The following MAGI1 variants were observed in gnomAD, a reference collection of about 807,000 sequenced individuals.
MAGI1 encodes the protein membrane associated guanylate kinase, WW and PDZ domain containing 1.
MAGI1 carries 58 observed loss-of-function variants against 139.9 expected under a neutral mutation model. The ratio of observed to expected loss-of-function variants is 0.41; its 90% CI spans 0.34 to 0.52. The LOEUF (loss-of-function observed/expected upper bound fraction) is 0.52. Among genes scored for constraint, MAGI1 ranks in the 20% least tolerant of loss-of-function variants. MAGI1 has a pLI of 0.12. For missense variants in MAGI1, 1,874 were observed against 1,901.6 expected (o/e 0.99, Z 0.27); for synonymous variants, 812 against 737.9 (o/e 1.10, Z -1.63).
At chr3:65,730,490 C>T (rs557513037) in intron 1 of MAGI1, among the ~76,000 whole-genome samples, 21 of 152,292 alleles carry the variant, frequency 1.4e-4, no homozygotes, top group African/African-American at 4.6e-4. Context: ...CTTCTACTTC[C>T]CCTCACGTCT....
At chr3:65,400,617 T>C (rs933076857) in intron 13 of MAGI1, among the ~76,000 whole-genome samples, 7 of 152,052 alleles carry the variant, frequency 4.6e-5, no homozygotes, top group Non-Finnish European at 1.0e-4. Flanking sequence ...GCATTTTAAT[T>C]TGTCATTAGT....
intron 18 of MAGI1, among the ~76,000 whole-genome samples, chr3:65,372,872 T>C (rs1432297311): frequency 6.6e-6 from 1 of 152,228 alleles, no homozygotes; most frequent in Non-Finnish European, 1.5e-5. Context: ...TTTACTGAAT[T>C]GAGGAGTTAG....
intron 18 of MAGI1, among the ~76,000 whole-genome samples, chr3:65,371,117 T>C (rs915003157): frequency 6.6e-6 from 1 of 152,256 alleles, no homozygotes; most frequent in Non-Finnish European, 1.5e-5. Flanking sequence ...CACAATAAGA[T>C]TGACCAATTA....
intron 1 of MAGI1, among the ~76,000 whole-genome samples, chr3:65,887,955 C>T (rs1001260550): frequency 1.3e-5 from 2 of 152,134 alleles, no homozygotes; most frequent in African/African-American, 2.4e-5. Flanking sequence ...CTGTATATTA[C>T]ACTCTCAATA....
chr3:65,928,674 C>T (rs879343113), intron 1 of MAGI1, among the ~76,000 whole-genome samples: 2 of 152,108 alleles, frequency 1.3e-5, no homozygotes, highest in Non-Finnish European at 1.5e-5. Context: ...CTAATTTCCA[C>T]GGTTCTAATC....
intron 1 of MAGI1, among the ~76,000 whole-genome samples, chr3:65,882,029 C>T (rs1463130007): frequency 6.6e-6 from 1 of 152,210 alleles, no homozygotes; most frequent in Non-Finnish European, 1.5e-5. Context: ...GACTTCCCCT[C>T]TGAGGTTTGC....
At chr3:65,474,468 A>C (rs1489825845) in intron 4 of MAGI1, among the ~76,000 whole-genome samples, 2 of 152,200 alleles carry the variant, frequency 1.3e-5, no homozygotes, top group East Asian at 3.9e-4. Context: ...TCTCATCTGC[A>C]AAACTGGGAA....
Position 65,688,295 on chromosome 3 carries a change from G to A in MAGI1, c.314-66207C>T, listed in dbSNP as rs2088250559. Reference sequence around the variant, plus strand: ...GTGGCTTTAGGAAGATCCTTGGCCAGGAGGGTGATGCCAGACATCTTACTT... The same window carrying A: ...GTGGCTTTAGGAAGATCCTTGGCCAAGAGGGTGATGCCAGACATCTTACTT... On this transcript the variant is annotated intron_variant, in intron 1 of 22. Coordinates refer to ENST00000402939, the MANE Select transcript of MAGI1 (RefSeq NM_001033057.2). 4.8e-6 allele frequency: 4 copies of A among 825,232 alleles called. No homozygotes were observed. The Admixed American group carries it at 7.2e-5, about 15-fold the overall frequency. 51.1% of individuals were successfully genotyped at this position (825,232 alleles called of 1,614,324 possible).
At chr3:65,790,937 T>G (rs1177499028) in intron 1 of MAGI1, among the ~76,000 whole-genome samples, 1 of 151,972 alleles carries the variant, frequency 6.6e-6, no homozygotes, top group Non-Finnish European at 1.5e-5. Flanking sequence ...TACCTGGGTG[T>G]GGTGGCATGC....
At chr3:65,479,213 G>A (rs1021748330) in intron 3 of MAGI1, among the ~76,000 whole-genome samples, 1 of 152,276 alleles carries the variant, frequency 6.6e-6, no homozygotes, top group East Asian at 1.9e-4. Context: ...CTAAAAAGTT[G>A]AGGTCACTTT....
At chr3:65,660,141 GGTAAAGTTCATTGTGGT>G (rs2086113339) in intron 1 of MAGI1, among the ~76,000 whole-genome samples, 1 of 152,164 alleles carries the variant, frequency 6.6e-6, no homozygotes, top group Non-Finnish European at 1.5e-5. Context: ...TAGAGGTAAA[GGTAAAGTTCATTGTGGT>G]GAACTTTTAC....
At chr3:65,562,063 C>T (rs752048166) in intron 2 of MAGI1, among the ~76,000 whole-genome samples, 3 of 151,982 alleles carry the variant, frequency 2.0e-5, no homozygotes, top group Non-Finnish European at 4.4e-5. Flanking sequence ...TAGTCTCTTA[C>T]TGTCCCTAAT....
At chr3:65,764,087 A>G (rs1187529597) in intron 1 of MAGI1, among the ~76,000 whole-genome samples, 1 of 151,276 alleles carries the variant, frequency 6.6e-6, no homozygotes, top group African/African-American at 2.4e-5. Flanking sequence ...AAAAAAAGAA[A>G]AAAAAAAAAA....
chr3:65,907,929 C>T (rs190386916), intron 1 of MAGI1, among the ~76,000 whole-genome samples: 264 of 152,278 alleles, frequency 1.7e-3, no homozygotes, highest in Middle Eastern at 6.8e-3. Context: ...CGTGTTACCC[C>T]GGCTCCATCA....
At chr3:65,900,154 T>G (rs756041903) in intron 1 of MAGI1, among the ~76,000 whole-genome samples, 19 of 152,090 alleles carry the variant, frequency 1.2e-4, no homozygotes, top group Non-Finnish European at 1.6e-4. Context: ...ATAGGCAGTA[T>G]ACACCCATCG....
intron 1 of MAGI1, among the ~76,000 whole-genome samples, chr3:65,780,261 T>A (rs80128806): frequency 0.034 from 5,179 of 152,264 alleles, 99 homozygotes; most frequent in Middle Eastern, 0.045. Context: ...CAGGCTCAAG[T>A]GATCCCCCCG....
intron 2 of MAGI1, among the ~76,000 whole-genome samples, chr3:65,563,842 A>C (rs1211346473): frequency 1.3e-5 from 2 of 152,320 alleles, no homozygotes; most frequent in Non-Finnish European, 2.9e-5. Flanking sequence ...ATAGTTACTG[A>C]CTGCTTACTT....
At chr3:65,813,573 T>A (rs2041417798) in intron 1 of MAGI1, among the ~76,000 whole-genome samples, 1 of 152,196 alleles carries the variant, frequency 6.6e-6, no homozygotes, top group African/African-American at 2.4e-5. Flanking sequence ...CAGAGTTGAC[T>A]ATGGGTAAGT....
intron 6 of MAGI1, among the ~76,000 whole-genome samples, chr3:65,450,403 T>A (rs1418805533): frequency 6.6e-6 from 1 of 152,194 alleles, no homozygotes; most frequent in South Asian, 2.1e-4. Context: ...CCAAGAGATA[T>A]TTAGGATGCC....
Sources: gnomAD v4.1 joint callset for allele counts (sites outside exome capture counted in the v4.1 genomes callset) on GRCh38, gnomAD v4.1.1 for gene constraint, MANE v1.5 for transcripts, NCBI Gene and HGNC (gene_info 2026-07-23, HGNC 2026-07-21) for gene names.